The following BMPR1A variants were observed in gnomAD, a reference collection of about 807,000 sequenced individuals.
The protein encoded by BMPR1A is bone morphogenetic protein receptor type 1A.
BMPR1A carries 7 observed loss-of-function variants against 66.0 expected under a neutral mutation model. That is an observed-to-expected ratio of 0.11 (90% CI 0.06 to 0.20). The LOEUF (loss-of-function observed/expected upper bound fraction) is 0.20. Ranked by LOEUF, BMPR1A falls within the 10% of genes least tolerant of loss-of-function variation. The probability of loss-of-function intolerance (pLI) is 1.00; values close to 1 mark genes in which losing one functional copy is unlikely to be tolerated. For synonymous variants in BMPR1A, 200 were observed against 229.7 expected (o/e 0.87, Z 1.17); for missense variants, 408 against 669.1 (o/e 0.61, Z 4.31).
intron 1 of BMPR1A, among the ~76,000 whole-genome samples, chr10:86,811,904 A>T (rs970989206): frequency 3.3e-5 from 5 of 152,040 alleles, no homozygotes; most frequent in African/African-American, 1.2e-4. Context: ...ACATAGTGAG[A>T]CATCATTTGT....
At chr10:86,776,145 A>C (rs2132679567) in intron 1 of BMPR1A, among the ~76,000 whole-genome samples, 1 of 152,350 alleles carries the variant, frequency 6.6e-6, no homozygotes, top group African/African-American at 2.4e-5. Flanking sequence ...GAAGGAAAAC[A>C]ATTATTTTGA....
intron 1 of BMPR1A, among the ~76,000 whole-genome samples, chr10:86,823,113 C>A: frequency 6.6e-6 from 1 of 152,152 alleles, no homozygotes; most frequent in Non-Finnish European, 1.5e-5. Context: ...AATCAACCAG[C>A]AAGTGTTTGA....
chr10:86,900,771 C>G (rs1843297558), intron 7 of BMPR1A, among the ~76,000 whole-genome samples: 1 of 152,152 alleles, frequency 6.6e-6, no homozygotes, highest in Non-Finnish European at 1.5e-5. Flanking sequence ...TGTTTTGGGT[C>G]TTTCTAGATA....
chr10:86,853,492 C>A (rs1842599448), intron 2 of BMPR1A, among the ~76,000 whole-genome samples: 1 of 152,160 alleles, frequency 6.6e-6, no homozygotes, highest in Non-Finnish European at 1.5e-5. Flanking sequence ...AACCAAAAGG[C>A]ACAATGACTA....
At chr10:86,836,680 C>T (rs779993225) in intron 1 of BMPR1A, among the ~76,000 whole-genome samples, 1 of 152,130 alleles carries the variant, frequency 6.6e-6, no homozygotes, top group Non-Finnish European at 1.5e-5. Context: ...CGCCTGTAGT[C>T]CCAGCTACTC....
At chr10:86,899,360 T>C (rs1254089163) in intron 5 of BMPR1A, among the ~76,000 whole-genome samples, 1 of 152,242 alleles carries the variant, frequency 6.6e-6, no homozygotes, top group Non-Finnish European at 1.5e-5. Context: ...ATCAGGCTCA[T>C]GACTTCCGAC....
chr10:86,810,654 A>G lies in BMPR1A; in HGVS notation c.-267-28211A>G, dbSNP rs183945885. Among the ~76,000 whole-genome samples, 4 of 152,230 alleles carry G rather than the reference A, an allele frequency of 2.6e-5. No individual in the cohort carries two copies. In the East Asian group the frequency reaches 7.7e-4, roughly 29 times the overall value. Reference sequence around the variant, plus strand: ...TGTTTTTTATTTGTGTTTCCTTGTTACTGATATCGTTCAGCATATTTCCAT... The same window carrying G: ...TGTTTTTTATTTGTGTTTCCTTGTTGCTGATATCGTTCAGCATATTTCCAT... On this transcript the variant is annotated intron_variant, in intron 1 of 12. Coordinates refer to ENST00000372037, the MANE Select transcript of BMPR1A (RefSeq NM_004329.3).
intron 1 of BMPR1A, among the ~76,000 whole-genome samples, chr10:86,776,445 G>A (rs1051861092): frequency 1.3e-5 from 2 of 152,148 alleles, no homozygotes; most frequent in African/African-American, 2.4e-5. Context: ...CACATCTAAG[G>A]TTATGAACCT....
rs143279531 is a variant in BMPR1A at position 86,899,778 on chromosome 10, A to T, written c.334-16A>T. 3.7e-6 allele frequency: 6 copies of T among 1,602,592 alleles called. No individual in the cohort carries two copies. The highest frequency in any genetic ancestry group is 5.1e-6 in the Non-Finnish European group (6 of 1,169,542). ...ATACCAAACCATTTCTAATTTTATC[A>T]TTACTCTTCTTTTAGGATTCTCCAA... On this transcript the variant is annotated splice_polypyrimidine_tract_variant and intron_variant, in intron 5 of 12. Coordinates refer to ENST00000372037, the MANE Select transcript of BMPR1A (RefSeq NM_004329.3).
chr10:86,840,554 C>T (rs1202651763), intron 2 of BMPR1A, among the ~76,000 whole-genome samples: 1 of 152,078 alleles, frequency 6.6e-6, no homozygotes, highest in Non-Finnish European at 1.5e-5. Flanking sequence ...TTCCTAGTCT[C>T]ATGATTTCCG....
intron 1 of BMPR1A, among the ~76,000 whole-genome samples, chr10:86,781,850 A>G (rs774431391): frequency 8.6e-4 from 122 of 141,978 alleles, no homozygotes; most frequent in Non-Finnish European, 1.4e-3. Flanking sequence ...AGCATATGAC[A>G]GGATTTCTTT....
chr10:86,764,235 T>C (rs1285300037), intron 1 of BMPR1A, among the ~76,000 whole-genome samples: 4 of 146,926 alleles, frequency 2.7e-5, no homozygotes, highest in African/African-American at 1.1e-4. Flanking sequence ...TTTAGATTCC[T>C]GGCTAAAAGA....
rs34219531 is a variant in BMPR1A, at chr10:86,765,483, C to CAA, written c.-268+8585_-268+8586dup. ...TGGGCGACAGAGTAAGACTCTGTCTCAAAAAAAAAAAAAAAAAAAAAAGAA... is the reference window on the plus strand; with the variant it reads ...TGGGCGACAGAGTAAGACTCTGTCTCAAAAAAAAAAAAAAAAAAAAAAAAGAA... On this transcript the variant is annotated intron_variant, in intron 1 of 12. Coordinates refer to ENST00000372037, the MANE Select transcript of BMPR1A (RefSeq NM_004329.3). 8.3e-3 allele frequency among the ~76,000 whole-genome samples: 584 copies of CAA among 70,152 alleles called. 12 individuals carry two copies. Among genetic ancestry groups the CAA allele is most frequent in the East Asian group, 0.012 (30 of 2,472 alleles). 46.0% of individuals were successfully genotyped at this position (70,152 alleles called of 152,430 possible).
chr10:86,825,797 A>C (rs1210075492), intron 1 of BMPR1A, among the ~76,000 whole-genome samples: 1 of 152,124 alleles, frequency 6.6e-6, no homozygotes, highest in African/African-American at 2.4e-5. Flanking sequence ...CTTGTAATTC[A>C]CAATTTCCAG....
intron 1 of BMPR1A, among the ~76,000 whole-genome samples, chr10:86,779,208 G>T (rs1841399699): frequency 6.6e-6 from 1 of 152,198 alleles, no homozygotes; most frequent in Admixed American, 6.5e-5. Context: ...TGGGGATGCA[G>T]ATGTGCCTTC....
At chr10:86,773,597 G>GAAAAAAAAAAAAAAAAAAAAA in intron 1 of BMPR1A, among the ~76,000 whole-genome samples, 1 of 99,862 alleles carries the variant, frequency 1.0e-5, no homozygotes, top group Non-Finnish European at 2.1e-5. Flanking sequence ...GTCTCAGAAA[G>GAAAAAAAAAAAAAAAAAAAAA]AAAAAAAAAA....
chr10:86,794,931 A>C (rs1184193638), intron 1 of BMPR1A, among the ~76,000 whole-genome samples: 6 of 151,378 alleles, frequency 4.0e-5, no homozygotes, highest in Non-Finnish European at 2.9e-5. Flanking sequence ...GACTCACCGC[A>C]CACTCCACCT....
intron 4 of BMPR1A, among the ~76,000 whole-genome samples, chr10:86,891,169 G>C (rs551147719): frequency 6.6e-6 from 1 of 152,274 alleles, no homozygotes; most frequent in East Asian, 1.9e-4. Flanking sequence ...CCCTGGTGGT[G>C]GTGGGCTCTG....
intron 1 of BMPR1A, among the ~76,000 whole-genome samples, chr10:86,816,731 TA>T (rs750236802): frequency 6.6e-6 from 1 of 152,178 alleles, no homozygotes; most frequent in Non-Finnish European, 1.5e-5. Flanking sequence ...GCCCGATATT[TA>T]AGGCTCTCCG....
Sources: gnomAD v4.1 joint callset for allele counts (sites outside exome capture counted in the v4.1 genomes callset) on GRCh38, gnomAD v4.1.1 for gene constraint, MANE v1.5 for transcripts, NCBI Gene and HGNC (gene_info 2026-07-23, HGNC 2026-07-21) for gene names.